The following MYO3A variants were observed in gnomAD, a reference collection of about 807,000 sequenced individuals.
The protein encoded by MYO3A is myosin-IIIa.
MYO3A carries 180 observed loss-of-function variants against 192.7 expected under a neutral mutation model. The ratio of observed to expected loss-of-function variants is 0.93; its 90% confidence interval spans 0.83 to 1.06. The LOEUF is 1.06. Among genes scored for constraint, MYO3A ranks in the 50% least tolerant of loss-of-function variants. The pLI, the probability that MYO3A is intolerant of heterozygous loss-of-function variation, is 0.00. For synonymous variants in MYO3A, 628 were observed against 645.3 expected (o/e 0.97, Z 0.41); for missense variants, 1,896 against 1,905.0 (o/e 1.00, Z 0.09).
At chr10:26,082,804 A>C (rs892475642) in intron 14 of MYO3A, among the ~76,000 whole-genome samples, 1 of 150,250 alleles carries the variant, frequency 6.7e-6, no homozygotes, top group Admixed American at 6.6e-5. Flanking sequence ...CACTTGTTTC[A>C]GGGGATCCCT....
rs191398606 is a variant in MYO3A at position 26,005,975 on chromosome 10, T to C, written c.508+8717T>C. ...GAACCATGAATAAGTGGACTCTTTA[T>C]TTTAGAGCTTTATGATTCAAGCAGA... On this transcript the variant is annotated intron_variant, in intron 6 of 34. Transcript: ENST00000642920. Among the ~76,000 whole-genome samples, 96 of 152,174 alleles carry C rather than the reference T, an allele frequency of 6.3e-4. 2 individuals are homozygous for C. The highest frequency in any genetic ancestry group is 3.4e-3 in the Middle Eastern group (1 of 294).
rs752199157 is a variant in MYO3A, at chr10:26,207,891, A to AT, written c.4731-3950dup. 1.4e-3 allele frequency among the ~76,000 whole-genome samples: 215 copies of AT among 152,318 alleles called. No homozygotes were observed. In the Middle Eastern group the frequency reaches 0.017, roughly 12 times the overall value. ...TATGAGCATTTTACCAATATTAATTATTCTGATCCATGAACACGGAATATC... is the reference window on the plus strand; with the variant it reads ...TATGAGCATTTTACCAATATTAATTATTTCTGATCCATGAACACGGAATATC... On this transcript the variant is annotated intron_variant, in intron 34 of 34. Transcript: ENST00000642920.
rs59118546 is a variant in MYO3A, at chr10:25,996,203, C to T, written c.304-287C>T. Among the ~76,000 whole-genome samples the T allele has an allele frequency of 7.1e-3, 1,082 of 152,320 alleles. 15 individuals carry two copies. Among genetic ancestry groups the T allele is most frequent in the African/African-American group, 0.025 (1,029 of 41,576 alleles). Reference sequence around the variant, plus strand: ...TCACCTACTCAAGCCTCAGCAATGGCGGGTGCCCCTCCCCATAATTCTTAT... The same window carrying T: ...TCACCTACTCAAGCCTCAGCAATGGTGGGTGCCCCTCCCCATAATTCTTAT... On this transcript the variant is annotated intron_variant, in intron 4 of 34. Coordinates refer to ENST00000642920, the MANE Select transcript of MYO3A (RefSeq NM_017433.5).
intron 4 of MYO3A, among the ~76,000 whole-genome samples, chr10:25,959,671 T>G (rs1321869175): frequency 1.3e-5 from 2 of 152,086 alleles, no homozygotes; most frequent in African/African-American, 2.4e-5. Context: ...TTTTCAAGTT[T>G]CTTTCTCTGT....
In MYO3A at chr10:26,157,301, G is replaced by A. The variant is rs1357005333; in HGVS notation, c.2794-9G>A. On this transcript the variant is annotated splice_polypyrimidine_tract_variant and intron_variant, in intron 25 of 34. Coordinates refer to ENST00000642920, the MANE Select transcript of MYO3A (RefSeq NM_017433.5). ...ACATTGGGAAATTTATTTTTGTTGT[G>A]TATTATAGTATTCCCTGATGGATTT... 1.9e-6 allele frequency: 3 copies of A among 1,613,108 alleles called. No homozygotes were observed. Among genetic ancestry groups the A allele is most frequent in the African/African-American group, 1.3e-5 (1 of 74,890 alleles).
chr10:26,026,662 A>T, intron 10 of MYO3A, 130 bp downstream of exon 10: 1 of 1,053,550 alleles, frequency 9.5e-7, no homozygotes, highest in African/African-American at 1.6e-5. Flanking sequence ...AGTGAATGTC[A>T]CCTGTTGAAA....
intron 21 of MYO3A, among the ~76,000 whole-genome samples, chr10:26,145,166 C>T (rs528052174): frequency 2.8e-4 from 38 of 134,450 alleles, no homozygotes; most frequent in East Asian, 2.8e-3. Flanking sequence ...GCAACAAGAA[C>T]GAAACTCTGT....
chr10:25,947,475 C>T (rs992834145), intron 2 of MYO3A, among the ~76,000 whole-genome samples: 1 of 147,422 alleles, frequency 6.8e-6, no homozygotes, highest in African/African-American at 2.5e-5. Flanking sequence ...CTCACTGCAA[C>T]CTCCGCCTCC....
chr10:25,943,768 T>TTGTGTGTGTGTGTGTG (rs58905708), intron 2 of MYO3A, among the ~76,000 whole-genome samples: 269 of 142,676 alleles, frequency 1.9e-3, no homozygotes, highest in Middle Eastern at 7.6e-3. Flanking sequence ...GTTCTAACAT[T>TTGTGTGTGTGTGTGTG]TGTGTGTGTG....
At chr10:26,084,439 C>T (rs541757709) in intron 14 of MYO3A, among the ~76,000 whole-genome samples, 17 of 152,228 alleles carry the variant, frequency 1.1e-4, no homozygotes, top group African/African-American at 4.1e-4. Flanking sequence ...TAGGTAGTAA[C>T]GTAATGCTGG....
chr10:25,972,940 C>G (rs943091564), intron 4 of MYO3A, among the ~76,000 whole-genome samples: 4 of 152,242 alleles, frequency 2.6e-5, no homozygotes, highest in Admixed American at 6.5e-5. Flanking sequence ...TTGTGGCTAG[C>G]TTTGAGGTTC....
At chr10:25,995,351 T>A (rs564797144) in intron 4 of MYO3A, among the ~76,000 whole-genome samples, 1 of 152,360 alleles carries the variant, frequency 6.6e-6, no homozygotes, top group Non-Finnish European at 1.5e-5. Flanking sequence ...GGTTTTCAGC[T>A]CCATCAGGTC....
chr10:26,109,338 A>G (rs1347875819), intron 17 of MYO3A, among the ~76,000 whole-genome samples: 1 of 152,224 alleles, frequency 6.6e-6, no homozygotes, highest in East Asian at 1.9e-4. Context: ...ACCTGTAGTC[A>G]ACTGCAGTTT....
At chr10:25,958,716 A>G (rs1439677690) in intron 4 of MYO3A, among the ~76,000 whole-genome samples, 1 of 152,172 alleles carries the variant, frequency 6.6e-6, no homozygotes, top group Non-Finnish European at 1.5e-5. Flanking sequence ...GATTCTTCCT[A>G]TCCATGAGCA....
Position 26,200,180 on chromosome 10 carries a change from C to T in MYO3A, c.4546-1085C>T, listed in dbSNP as rs73594316. Among the ~76,000 whole-genome samples the T allele has an allele frequency of 4.2e-3, 633 of 152,260 alleles. 3 individuals are homozygous for T. The highest frequency in any genetic ancestry group is 0.015 in the African/African-American group (605 of 41,538). On this transcript the variant is annotated intron_variant, in intron 32 of 34. Transcript: ENST00000642920. ...AGCACTCACTTCCACCTCATCCACC[C>T]GTTAAAATGCCAACCAATAAGAATA...
chr10:26,011,747 C>T (rs1409266850), intron 6 of MYO3A, among the ~76,000 whole-genome samples: 3 of 152,172 alleles, frequency 2.0e-5, no homozygotes, highest in African/African-American at 7.2e-5. Flanking sequence ...AAGGATTCCT[C>T]CCTAAATCAT....
chr10:26,089,373 G>A lies in MYO3A; in HGVS notation c.1562+968G>A, dbSNP rs563012101. Among the ~76,000 whole-genome samples the A allele has an allele frequency of 4.6e-5, 7 of 152,148 alleles. No individual in the cohort carries two copies. In the Middle Eastern group the frequency reaches 0.017, roughly 370 times the overall value. ...TCCCAGCACTTTGGGAGGCCAAGGC[G>A]GGTGGATCACGCGGTCAGGAGATTG... is the stretch of plus-strand genomic sequence containing the variant. On this transcript the variant is annotated intron_variant, in intron 15 of 34. Coordinates refer to ENST00000642920, the MANE Select transcript of MYO3A (RefSeq NM_017433.5).
chr10:26,151,640 A>G (rs150493648), intron 23 of MYO3A, among the ~76,000 whole-genome samples: 3 of 152,150 alleles, frequency 2.0e-5, no homozygotes, highest in South Asian at 2.1e-4. Context: ...CTGCCTTTCA[A>G]TTGAGATGAT....
chr10:26,160,429 T>G (rs12247347), intron 26 of MYO3A, among the ~76,000 whole-genome samples: 78,274 of 152,064 alleles, frequency 0.51, 20,521 homozygotes, highest in Middle Eastern at 0.59. Context: ...GATCATTTGA[T>G]GCCAGGAGTT....
Sources: gnomAD v4.1 joint callset for allele counts (sites outside exome capture counted in the v4.1 genomes callset) on GRCh38, gnomAD v4.1.1 for gene constraint, MANE v1.5 for transcripts, NCBI Gene and HGNC (gene_info 2026-07-23, HGNC 2026-07-21) for gene names.